ELN: variants seen among roughly 807,000 people sequenced by gnomAD.
ELN encodes tropoelastin.
ELN carries 65 observed loss-of-function variants against 105.8 expected under a neutral mutation model. That is an observed-to-expected ratio of 0.61 (90% CI 0.50 to 0.75). The LOEUF is 0.75. Ranked by LOEUF, ELN falls within the 30% of genes least tolerant of loss-of-function variation. The pLI is 0.00. For missense variants in ELN, 882 were observed against 969.4 expected (o/e 0.91, Z 1.20); for synonymous variants, 368 against 389.2 (o/e 0.95, Z 0.64).
chr7:74,065,997 G>T lies in ELN; in HGVS notation c.2086G>T (p.Gly696Ter). 6.2e-7 allele frequency: 1 copy of T among 1,614,104 alleles called. No homozygotes were observed. Among genetic ancestry groups the T allele is most frequent in the Non-Finnish European group, 8.5e-7 (1 of 1,180,012 alleles). The change falls in exon 31 of 33, where the codon GGA becomes TGA. Residue 696 changes from glycine to a stop codon, truncating the protein, a stop_gained and splice_region_variant. Transcript: ENST00000252034. LOFTEE classifies it high-confidence loss of function. ...GGGTGCCGGGCAGTTCCCACTTGGA[G>T]GTAGGGGTGGCCAGCTCTGCTACGT... The part of the protein sequence containing the change: ...LGGAGQFPLG[G>*]VAARPGFGLS...
chr7:74,051,275 C>T (rs1009186545), intron 15 of ELN, among the ~76,000 whole-genome samples: 1 of 152,196 alleles, frequency 6.6e-6, no homozygotes, highest in Admixed American at 6.5e-5. Flanking sequence ...CCGCAGGCCC[C>T]CCTCCCAGCA....
chr7:74,056,558 G>A lies in ELN; in HGVS notation c.1316-114G>A, dbSNP rs917714968. The A allele has an allele frequency of 4.4e-5, 71 of 1,598,436 alleles. No homozygotes were observed. The South Asian group carries it at 7.1e-4, about 16-fold the overall frequency. On this transcript the variant is annotated intron_variant, in intron 20 of 32. Coordinates refer to ENST00000252034, the MANE Select transcript of ELN (RefSeq NM_000501.4). ...TGAATGTGCTCAGGGAGGAGTTGGG[G>A]GAGAAGAAGGGAGGTCGTATCCATG... is the stretch of plus-strand genomic sequence containing the variant.
intron 16 of ELN, 25 bp downstream of exon 16, chr7:74,051,864 G>A (rs782746256): frequency 1.2e-5 from 20 of 1,614,232 alleles, no homozygotes; most frequent in South Asian, 1.2e-4. Context: ...AGCAGGGGGC[G>A]GGTGTGTCCT....
Position 74,041,115 on chromosome 7 carries a change from C to A in ELN, c.197-101C>A, listed in dbSNP as rs1554668154. On this transcript the variant is annotated intron_variant, in intron 4 of 32. Coordinates refer to ENST00000252034, the MANE Select transcript of ELN (RefSeq NM_000501.4). ...ACAGGCTTAGGGACCAGCCTAGGGA[C>A]CTGAGTGGCTGATCACAGCACTGCC... The A allele has an allele frequency of 3.4e-6, 5 of 1,490,254 alleles. No homozygotes were observed. In the African/African-American group the frequency reaches 5.5e-5, roughly 16 times the overall value. The allele number at this position is 1,490,254 out of a possible 1,614,324, so 92.3% of individuals were successfully genotyped here. A position where few individuals can be genotyped will look rare whatever the true frequency, so the allele number is the denominator to read the frequency against.
intron 9 of ELN, 83 bp from the exon 10 acceptor site, chr7:74,045,139 C>A: frequency 6.5e-7 from 1 of 1,535,600 alleles, no homozygotes; most frequent in Non-Finnish European, 9.0e-7. Context: ...GGGAGGTCAG[C>A]TGGGGGACCC....
intron 8 of ELN, 65 bp from the exon 9 acceptor site, chr7:74,043,814 A>G: frequency 6.9e-7 from 1 of 1,455,898 alleles, no homozygotes; most frequent in Non-Finnish European, 9.2e-7. Context: ...CTGGGTGGGA[A>G]GGGCTGGGGA....
In ELN at chr7:74,057,422, T is replaced by G. The variant is rs1018588848; in HGVS notation, c.1358-218T>G. On this transcript the variant is annotated intron_variant, in intron 21 of 32. Coordinates refer to ENST00000252034, the MANE Select transcript of ELN (RefSeq NM_000501.4). ...GAGTGCTGGGTGGGCTAGTGCCAGG[T>G]GCCCCAGGCGCAGTCCCAGGTGTGC... 8 of 1,515,838 alleles carry G rather than the reference T, an allele frequency of 5.3e-6. No individual in the cohort carries two copies. Among genetic ancestry groups the G allele is most frequent in the Non-Finnish European group, 7.0e-6 (8 of 1,138,260 alleles). 93.9% of individuals were successfully genotyped at this position (1,515,838 alleles called of 1,614,324 possible).
intron 31 of ELN, among the ~76,000 whole-genome samples, chr7:74,066,440 G>T (rs892682723): frequency 6.6e-6 from 1 of 152,204 alleles, no homozygotes; most frequent in Admixed American, 6.5e-5. Context: ...CGTGGTGGAC[G>T]CCTGTAATCC....
At chr7:74,046,572 C>G in intron 11 of ELN, 124 bp from the exon 12 acceptor site, 1 of 1,039,734 alleles carries the variant, frequency 9.6e-7, no homozygotes, top group South Asian at 1.4e-5. Context: ...CAGGGAGTCC[C>G]TCGAAGCAGG....
At chr7:74,059,675 C>G (rs1554682606) in intron 22 of ELN, 1 of 635,740 alleles carries the variant, frequency 1.6e-6, no homozygotes, top group Non-Finnish European at 2.8e-6. Flanking sequence ...TAGAGTGAGA[C>G]TCTGTCTCCA....
chr7:74,053,347 TGTG>T (rs1563827319), intron 18 of ELN, 38 bp downstream of exon 18: 11 of 1,604,562 alleles, frequency 6.9e-6, no homozygotes, highest in Non-Finnish European at 9.4e-6. Flanking sequence ...TGTGTGTGTG[TGTG>T]TGTGTGTGTA....
intron 22 of ELN, chr7:74,059,659 G>A: frequency 3.2e-6 from 2 of 616,612 alleles, no homozygotes; most frequent in Non-Finnish European, 5.8e-6. Flanking sequence ...ACTCCAGCCT[G>A]GGCGATAGAG....
At chr7:74,038,955 C>A (rs1414107595) in intron 4 of ELN, among the ~76,000 whole-genome samples, 1 of 152,150 alleles carries the variant, frequency 6.6e-6, no homozygotes, top group East Asian at 1.9e-4. Flanking sequence ...AGCACCTATA[C>A]CCTGTCTTCC....
intron 4 of ELN, chr7:74,037,985 A>G (rs905200630): frequency 1.8e-6 from 1 of 549,730 alleles, no homozygotes; most frequent in Non-Finnish European, 3.3e-6. Flanking sequence ...GGCGTCTAGC[A>G]TCTACCCTAC....
chr7:74,063,637 T>C lies in ELN; in HGVS notation c.1935T>C (p.Ala645=). ...TCTCCACAGGCCTAGTGGGAGCCGC[T>C]GGGCTCGGAGGACTCGGAGTCGGAG... ...KAAQFGLVGA[A]GLGGLGVGGL... Residue 645 remains alanine, a synonymous_variant, in exon 29 of 33, where the codon GCT becomes GCC. Transcript: ENST00000252034. The surrounding 1 kb of genome is among the most constrained non-coding windows in gnomAD (Gnocchi z 4.1). 1 of 1,614,108 alleles carries C rather than the reference T, an allele frequency of 6.2e-7. No individual in the cohort carries two copies. The highest frequency in any genetic ancestry group is 8.5e-7 in the Non-Finnish European group (1 of 1,180,020).
At chr7:74,065,379 C>T (rs1473462145) in intron 29 of ELN, among the ~76,000 whole-genome samples, 1 of 151,916 alleles carries the variant, frequency 6.6e-6, no homozygotes, top group Non-Finnish European at 1.5e-5. Context: ...CTTTGGGAGG[C>T]CGAGGCAGGT....
chr7:74,052,695 G>A (rs1270778487), intron 17 of ELN: 8 of 154,920 alleles, frequency 5.2e-5, no homozygotes, highest in Non-Finnish European at 9.7e-5. Context: ...GGAAGGGAGG[G>A]AGGGAGGGAA....
intron 18 of ELN, among the ~76,000 whole-genome samples, 185 bp downstream of exon 18, chr7:74,053,494 T>C (rs531197733): frequency 3.5e-4 from 54 of 152,224 alleles, no homozygotes; most frequent in Non-Finnish European, 6.8e-4. Flanking sequence ...CCTTATTAGC[T>C]TCTAATCAGT....
At chr7:74,034,855 C>T (rs1407265058) in intron 1 of ELN, among the ~76,000 whole-genome samples, 1 of 152,160 alleles carries the variant, frequency 6.6e-6, no homozygotes, top group Admixed American at 6.5e-5. Flanking sequence ...AATCCCAGCA[C>T]TTTGGGAGGC....
Sources: allele counts gnomAD v4.1 joint callset (sites outside exome capture counted in the v4.1 genomes callset), GRCh38; gene constraint gnomAD v4.1.1; non-coding constraint Gnocchi (gnomAD v3.1); transcripts MANE v1.5; gene names NCBI Gene and HGNC (gene_info 2026-07-23, HGNC 2026-07-21).